ARPP21: variants seen among roughly 807,000 people sequenced by gnomAD.
The protein encoded by ARPP21 is cAMP regulated phosphoprotein 21.
In ARPP21, 69 loss-of-function variants were observed where a neutral mutation model predicts 113.2. The ratio of observed to expected loss-of-function variants is 0.61; its 90% CI spans 0.50 to 0.74. The LOEUF is 0.74. ARPP21 is among the 30% of genes least tolerant of loss of function. The pLI, the probability that ARPP21 is intolerant of heterozygous loss-of-function variation, is 0.00. For missense variants in ARPP21, 1,070 were observed against 1,037.4 expected (o/e 1.03, Z -0.43); for synonymous variants, 368 against 375.5 (o/e 0.98, Z 0.23).
At chr3:35,701,566 G>A (rs7349512) in intron 9 of ARPP21, among the ~76,000 whole-genome samples, 38,925 of 151,198 alleles carry the variant, frequency 0.26, 5,132 homozygotes, top group South Asian at 0.34. Flanking sequence ...TTAAAACTTC[G>A]TATTTTCCCC....
intron 15 of ARPP21, among the ~76,000 whole-genome samples, chr3:35,734,266 A>G (rs2094195194): frequency 6.6e-6 from 1 of 152,350 alleles, no homozygotes; most frequent in Admixed American, 6.5e-5. Context: ...TAAAGATTAG[A>G]ACACTAAATG....
chr3:35,721,754 C>T lies in ARPP21; in HGVS notation c.1145C>T (p.Ala382Val), dbSNP rs199754646. Residue 382 changes from alanine (A) to valine (V), a missense_variant, in exon 14 of 21, where the codon GCG (alanine) becomes GTG (valine). Physicochemically the swap from Ala to Val is moderately conservative, Grantham distance 64. Coordinates refer to ENST00000684406, the MANE Select transcript of ARPP21 (RefSeq NM_001385562.1). The stretch of plus-strand genomic sequence containing the variant: ...CTAAAGCCCGCCATGACCAAGACGG[C>T]GAGTTTTGGGGGCATCACGGTGCTG... ...RNLKPAMTKT[A>V]SFGGITVLTR... The T allele has an allele frequency of 2.5e-6, 4 of 1,613,670 alleles. No individual in the cohort carries two copies. The highest frequency in any genetic ancestry group is 1.1e-5 in the South Asian group (1 of 90,990).
chr3:35,642,171 T>C (rs1018110545), intron 1 of ARPP21: 1 of 152,200 alleles, frequency 6.6e-6, no homozygotes, highest in African/African-American at 2.4e-5. Context: ...GTATGTGCTA[T>C]TAGATTTGCA....
chr3:35,738,169 C>A (rs766391252), intron 16 of ARPP21, 45 bp from the exon 17 acceptor site: 2 of 1,259,374 alleles, frequency 1.6e-6, no homozygotes, highest in Non-Finnish European at 2.2e-6. Flanking sequence ...GAGATTTCAA[C>A]CCCAGTGCTT....
At chr3:35,778,951 T>C (rs1296085885) in intron 19 of ARPP21, among the ~76,000 whole-genome samples, 1 of 152,178 alleles carries the variant, frequency 6.6e-6, no homozygotes, top group Non-Finnish European at 1.5e-5. Context: ...CTCCTTGAAA[T>C]TTTGTCTATT....
intron 1 of ARPP21, among the ~76,000 whole-genome samples, chr3:35,658,343 T>C (rs992722542): frequency 6.6e-6 from 1 of 152,234 alleles, no homozygotes; most frequent in African/African-American, 2.4e-5. Flanking sequence ...TGATTCGTTG[T>C]AGTGAGGATT....
chr3:35,710,400 T>G (rs764757614), intron 11 of ARPP21, among the ~76,000 whole-genome samples: 11 of 152,162 alleles, frequency 7.2e-5, no homozygotes, highest in Non-Finnish European at 1.5e-4. Context: ...TCTTTTCCAG[T>G]CATAATAAGG....
chr3:35,671,336 A>G (rs1007300754), intron 1 of ARPP21, among the ~76,000 whole-genome samples: 1 of 152,186 alleles, frequency 6.6e-6, no homozygotes, highest in Non-Finnish European at 1.5e-5. Flanking sequence ...ACCAAAATAA[A>G]TGCCAATGTC....
At chr3:35,699,294 T>C (rs2085322381) in intron 9 of ARPP21, among the ~76,000 whole-genome samples, 1 of 151,676 alleles carries the variant, frequency 6.6e-6, no homozygotes, top group Non-Finnish European at 1.5e-5. Context: ...TTGCTTGCTA[T>C]AGGCAGGAGA....
At chr3:35,781,962 A>G (rs1234360639) in intron 19 of ARPP21, among the ~76,000 whole-genome samples, 1 of 152,170 alleles carries the variant, frequency 6.6e-6, no homozygotes, top group African/African-American at 2.4e-5. Context: ...AGAACTAATC[A>G]ATTGCTGTTG....
At chr3:35,682,553 G>T (rs1024719109) in intron 3 of ARPP21, 1 of 326,640 alleles carries the variant, frequency 3.1e-6, no homozygotes, top group Admixed American at 4.8e-5. Flanking sequence ...AGTTAACAAA[G>T]GCAGATAACT....
At chr3:35,685,098 C>A (rs928486156) in intron 5 of ARPP21, 135 of 985,328 alleles carry the variant, frequency 1.4e-4, no homozygotes, top group Admixed American at 1.9e-4. Context: ...AAGTAATGCC[C>A]CAGTTGTCCC....
At chr3:35,692,026 G>A (rs1053777858) in intron 9 of ARPP21, among the ~76,000 whole-genome samples, 1 of 151,548 alleles carries the variant, frequency 6.6e-6, no homozygotes, top group Non-Finnish European at 1.5e-5. Flanking sequence ...CTCAGCAGAG[G>A]TCGGGGGAAA....
chr3:35,668,436 A>G (rs1166201717), intron 1 of ARPP21, among the ~76,000 whole-genome samples: 1 of 151,974 alleles, frequency 6.6e-6, no homozygotes, highest in Non-Finnish European at 1.5e-5. Context: ...TGAAGTGTAG[A>G]GCAATCATGG....
intron 19 of ARPP21, among the ~76,000 whole-genome samples, chr3:35,775,606 A>G (rs971034202): frequency 2.0e-5 from 3 of 152,184 alleles, no homozygotes; most frequent in African/African-American, 7.2e-5. Flanking sequence ...TCCCATATAA[A>G]ACTGGAAAAT....
intron 1 of ARPP21, among the ~76,000 whole-genome samples, chr3:35,658,834 TCA>T (rs796898239): frequency 7.2e-5 from 11 of 152,180 alleles, no homozygotes; most frequent in African/African-American, 2.6e-4. Context: ...CAAATGTTAC[TCA>T]CAGTGTGAGT....
In ARPP21 at chr3:35,794,420, G is replaced by C; in HGVS notation, c.*462G>C. ...TTTTCTTTTTTAATGGATATATACT[G>C]TATTGTAGTGTTTAATCAAAATAAA... On this transcript the variant is annotated 3_prime_UTR_variant, in exon 21 of 21. Transcript: ENST00000684406. 1 of 158,006 alleles carries C rather than the reference G, an allele frequency of 6.3e-6. No individual in the cohort carries two copies. The highest frequency in any genetic ancestry group is 1.4e-5 in the Non-Finnish European group (1 of 71,110). 9.8% of individuals were successfully genotyped at this position (158,006 alleles called of 1,614,324 possible). A position where few individuals can be genotyped will look rare whatever the true frequency, so the allele number is the denominator to read the frequency against.
intron 1 of ARPP21, among the ~76,000 whole-genome samples, chr3:35,667,948 AAAG>A (rs4025938): frequency 0.059 from 3,401 of 57,906 alleles, 121 homozygotes; most frequent in Middle Eastern, 0.079. Context: ...GAGAAGAAGA[AAAG>A]AAGAAGAAGA....
intron 9 of ARPP21, among the ~76,000 whole-genome samples, chr3:35,696,522 C>T (rs1308354391): frequency 2.0e-5 from 3 of 151,468 alleles, no homozygotes; most frequent in South Asian, 2.1e-4. Context: ...AAGCCCTCCA[C>T]GTTGTGTTCC....
Sources: gnomAD v4.1 joint callset for allele counts (sites outside exome capture counted in the v4.1 genomes callset) on GRCh38, gnomAD v4.1.1 for gene constraint, MANE v1.5 for transcripts, NCBI Gene and HGNC (gene_info 2026-07-23, HGNC 2026-07-21) for gene names.